ARHGAP24: variants seen among roughly 807,000 people sequenced by gnomAD.
The protein encoded by ARHGAP24 is rho GTPase-activating protein 24.
In ARHGAP24, 50 loss-of-function variants were observed where a neutral mutation model predicts 76.4. The observed-to-expected ratio is 0.65, with a 90% CI of 0.52 to 0.83. The LOEUF (loss-of-function observed/expected upper bound fraction) is 0.83. Among genes scored for constraint, ARHGAP24 ranks in the 40% least tolerant of loss-of-function variants. ARHGAP24 has a pLI of 0.00. For missense variants in ARHGAP24, 930 were observed against 914.2 expected (o/e 1.02, Z -0.22); for synonymous variants, 345 against 323.3 (o/e 1.07, Z -0.72).
intron 9 of ARHGAP24, among the ~76,000 whole-genome samples, chr4:85,998,164 A>T (rs1336752850): frequency 2.0e-5 from 3 of 152,170 alleles, no homozygotes; most frequent in Non-Finnish European, 2.9e-5. Context: ...TTTTTGAGAA[A>T]GATACTTTAA....
intron 1 of ARHGAP24, among the ~76,000 whole-genome samples, chr4:85,499,130 T>C (rs1723699063): frequency 6.6e-6 from 1 of 152,210 alleles, no homozygotes; most frequent in Admixed American, 6.5e-5. Context: ...TTAGAATGTC[T>C]TCGAATTTAA....
At chr4:85,713,184 G>A (rs1022035768) in intron 2 of ARHGAP24, among the ~76,000 whole-genome samples, 9 of 152,052 alleles carry the variant, frequency 5.9e-5, no homozygotes, top group African/African-American at 1.9e-4. Flanking sequence ...TGGAGTCCCT[G>A]GAGTCCCAGC....
At chr4:85,975,688 G>A (rs1578455488) in intron 7 of ARHGAP24, 2 of 152,332 alleles carry the variant, frequency 1.3e-5, no homozygotes, top group Admixed American at 6.5e-5. Context: ...GTGATGATTG[G>A]CACTACAAGT....
chr4:85,938,023 C>G (rs565384225), intron 4 of ARHGAP24, among the ~76,000 whole-genome samples: 2 of 152,188 alleles, frequency 1.3e-5, no homozygotes, highest in South Asian at 4.1e-4. Flanking sequence ...TAGGCAGCCT[C>G]TAGCTATTGG....
At chr4:85,767,771 C>A (rs776337047) in intron 3 of ARHGAP24, among the ~76,000 whole-genome samples, 15 of 152,120 alleles carry the variant, frequency 9.9e-5, no homozygotes, top group Non-Finnish European at 1.8e-4. Flanking sequence ...GAGAAAGGCT[C>A]TTAGCAAACT....
intron 3 of ARHGAP24, among the ~76,000 whole-genome samples, chr4:85,889,321 T>TAGTAAA (rs1187412406): frequency 3.9e-5 from 6 of 152,224 alleles, no homozygotes; most frequent in African/African-American, 1.2e-4. Flanking sequence ...AATTCCTTAT[T>TAGTAAA]TACTACATGT....
chr4:85,752,296 C>A (rs1726293443), intron 3 of ARHGAP24, among the ~76,000 whole-genome samples: 1 of 152,164 alleles, frequency 6.6e-6, no homozygotes, highest in Admixed American at 6.5e-5. Flanking sequence ...GTGTTACCAT[C>A]TGCCATTTGC....
intron 2 of ARHGAP24, among the ~76,000 whole-genome samples, chr4:85,637,657 A>G (rs1472165382): frequency 6.6e-6 from 1 of 152,102 alleles, no homozygotes; most frequent in Non-Finnish European, 1.5e-5. Flanking sequence ...AAAATTTCTC[A>G]TTAATATTTT....
chr4:85,731,664 A>G (rs543299295), intron 3 of ARHGAP24, among the ~76,000 whole-genome samples: 1 of 152,180 alleles, frequency 6.6e-6, no homozygotes, highest in Non-Finnish European at 1.5e-5. Flanking sequence ...TAGGAGGAAA[A>G]AGTTCTAGTG....
intron 3 of ARHGAP24, among the ~76,000 whole-genome samples, chr4:85,832,259 G>C (rs1456170095): frequency 1.3e-5 from 2 of 152,174 alleles, no homozygotes; most frequent in Non-Finnish European, 2.9e-5. Flanking sequence ...GTTGTCTCTA[G>C]TTGTCTAATA....
intron 2 of ARHGAP24, among the ~76,000 whole-genome samples, chr4:85,680,503 G>A (rs1312289415): frequency 3.3e-5 from 5 of 151,980 alleles, no homozygotes; most frequent in Admixed American, 2.0e-4. Context: ...ATATTAAACC[G>A]TGAGATCACA....
intron 2 of ARHGAP24, among the ~76,000 whole-genome samples, chr4:85,666,380 T>G (rs1722619208): frequency 6.6e-6 from 1 of 152,224 alleles, no homozygotes; most frequent in Non-Finnish European, 1.5e-5. Context: ...TTGGTTATTC[T>G]AGTTATACAT....
intron 3 of ARHGAP24, among the ~76,000 whole-genome samples, chr4:85,883,495 G>A (rs1182834591): frequency 1.2e-4 from 18 of 152,254 alleles, no homozygotes; most frequent in Admixed American, 1.2e-3. Flanking sequence ...GCAATGAACA[G>A]ACTTATTTAG....
chr4:85,949,202 A>G (rs182399446), intron 5 of ARHGAP24, among the ~76,000 whole-genome samples: 6 of 152,232 alleles, frequency 3.9e-5, no homozygotes, highest in Admixed American at 2.6e-4. Flanking sequence ...TAGTTTCCTC[A>G]CTGGCTGCGC....
intron 4 of ARHGAP24, among the ~76,000 whole-genome samples, chr4:85,937,596 G>A: frequency 6.6e-6 from 1 of 152,170 alleles, no homozygotes; most frequent in Admixed American, 6.5e-5. Flanking sequence ...AAAGAGTGTA[G>A]TAGTTAGCAT....
At chr4:85,884,418 A>G (rs1230209622) in intron 3 of ARHGAP24, among the ~76,000 whole-genome samples, 3 of 152,128 alleles carry the variant, frequency 2.0e-5, no homozygotes, top group Non-Finnish European at 2.9e-5. Context: ...TTGTGAGGGG[A>G]CAAGGGGGTG....
chr4:85,918,577 C>T (rs1007741772), intron 3 of ARHGAP24, among the ~76,000 whole-genome samples: 1 of 151,574 alleles, frequency 6.6e-6, no homozygotes, highest in Non-Finnish European at 1.5e-5. Flanking sequence ...TTTCTTTAAC[C>T]TACCTTTTAA....
chr4:85,634,236 C>G (rs1191673830), intron 2 of ARHGAP24, among the ~76,000 whole-genome samples: 1 of 151,838 alleles, frequency 6.6e-6, no homozygotes, highest in Non-Finnish European at 1.5e-5. Flanking sequence ...TTTATGAGCT[C>G]TATATACTTA....
chr4:85,828,296 G>A (rs1729818939), intron 3 of ARHGAP24, among the ~76,000 whole-genome samples: 1 of 152,090 alleles, frequency 6.6e-6, no homozygotes, highest in African/African-American at 2.4e-5. Context: ...TAATTTGAAG[G>A]AATATAAAAA....
Sources: gnomAD v4.1 joint callset for allele counts (sites outside exome capture counted in the v4.1 genomes callset) on GRCh38, gnomAD v4.1.1 for gene constraint, MANE v1.5 for transcripts, NCBI Gene and HGNC (gene_info 2026-07-23, HGNC 2026-07-21) for gene names.